The following FBN3 variants were observed in gnomAD, a reference collection of about 807,000 sequenced individuals.
FBN3 encodes the protein fibrillin 3, also known as fibrillin-3.
Under a neutral mutation model 330.1 loss-of-function variants are expected in FBN3, and 234 were observed. The observed-to-expected ratio is 0.71, with a 90% CI of 0.64 to 0.79. The LOEUF (loss-of-function observed/expected upper bound fraction) is 0.79. FBN3 is among the 30% of genes least tolerant of loss of function. The pLI, the probability that FBN3 is intolerant of heterozygous loss-of-function variation, is 0.00. For missense variants in FBN3, 3,606 were observed against 3,886.9 expected (o/e 0.93, Z 1.92); for synonymous variants, 1,458 against 1,517.3 (o/e 0.96, Z 0.91).
rs373066640 is a variant in FBN3, at chr19:8,109,647, G to A, written c.4440C>T (p.Ser1480=). The A allele has an allele frequency of 4.5e-4, 710 of 1,592,298 alleles. No individual in the cohort carries two copies. Among genetic ancestry groups the A allele is most frequent in the Non-Finnish European group, 4.7e-4 (554 of 1,169,218 alleles). ...SCPQDFELNP[S]GVGCVDTRAG... is the part of the protein sequence containing the mutation. ...TGGACTCACCCACGCAGCCCACTCC[G>A]CTGGGGTTCAGCTCAAAATCCTGGG... The change falls in exon 35 of 64, where the codon AGC becomes AGT. Residue 1480 remains serine, a synonymous_variant. Transcript: ENST00000600128. The surrounding 1 kb of genome is among the most constrained non-coding windows in gnomAD (Gnocchi z 5.2).
In FBN3 at chr19:8,142,128, G is replaced by A. The variant is rs769598971; in HGVS notation, c.551C>T (p.Thr184Met). 2.1e-5 allele frequency: 34 copies of A among 1,608,134 alleles called. No homozygotes were observed. The highest frequency in any genetic ancestry group is 1.1e-4 in the East Asian group (5 of 44,736). ...MGPQCERDYR[T>M]GPCFGQVGPE... ...GCCTACTTGGCCAAAGCAGGGTCCC[G>A]TCCGGTAATCTGCAGGGCAGACAGA... Residue 184 changes from threonine (T) to methionine (M), a missense_variant, in exon 7 of 64, where the codon ACG (threonine) becomes ATG (methionine). Coordinates refer to ENST00000600128, the MANE Select transcript of FBN3 (RefSeq NM_032447.5).
intron 14 of FBN3, 97 bp downstream of exon 14, chr19:8,132,887 G>A (rs541715268): frequency 3.3e-5 from 43 of 1,305,426 alleles, no homozygotes; most frequent in East Asian, 1.9e-4. Context: ...TCTCATGCTC[G>A]TCCCATCCCC....
chr19:8,126,851 A>C lies in FBN3; in HGVS notation c.2297-19T>G. ...TCGACATCTGTGGGGACAGCCCCCC[A>C]CCAGGTCCTGAGCTGCAGGAGGAGT... is the stretch of plus-strand genomic sequence containing the variant. On this transcript the variant is annotated intron_variant, in intron 18 of 63. Transcript: ENST00000600128. 1 of 1,531,788 alleles carries C rather than the reference A, an allele frequency of 6.5e-7. No homozygotes were observed. The highest frequency in any genetic ancestry group is 1.3e-5 in the South Asian group (1 of 77,232). The allele number at this position is 1,531,788 out of a possible 1,614,324, so 94.9% of individuals were successfully genotyped here. A position where few individuals can be genotyped will look rare whatever the true frequency, so the allele number is the denominator to read the frequency against.
At position 8,081,060 on chromosome 19, in the gene FBN3, CCA is replaced by C; in HGVS notation, c.7394_7395del (p.Val2465GlyfsTer22). 6.2e-7 allele frequency: 1 copy of C among 1,613,552 alleles called. No individual in the cohort carries two copies. Among genetic ancestry groups the C allele is most frequent in the Non-Finnish European group, 8.5e-7 (1 of 1,179,962 alleles). ...GGCGGACAGCGGCAGGTGAAGGCGC[CCA>C]CAGTGTTGACACAGAGGAACTGACA... Reference protein sequence around the residue: ...HNCQFLCVNTVGAFTCRCPPG... With the variant: ...HNCQFLCVNTXGAFTCRCPPG... On this transcript the variant is annotated frameshift_variant, in exon 59 of 64. Coordinates refer to ENST00000600128, the MANE Select transcript of FBN3 (RefSeq NM_032447.5). LOFTEE classifies it high-confidence loss of function.
In FBN3 at chr19:8,087,942, C is replaced by T. The variant is rs752756152; in HGVS notation, c.6502G>A (p.Asp2168Asn). 15 of 1,613,952 alleles carry T rather than the reference C, an allele frequency of 9.3e-6. No homozygotes were observed. The East Asian group carries it at 1.1e-4, about 12-fold the overall frequency. The stretch of plus-strand genomic sequence containing the variant: ...AGCAGCGGGTTCAGGGAGCATTCGT[C>T]GATGTCTGGGGAGGCCAGTGGAGGT... ...PGLMMTCEDI[D>N]ECSLNPLLCA... Residue 2168 changes from aspartate to asparagine, a missense_variant, in exon 53 of 64, where the codon GAC becomes AAC. Transcript: ENST00000600128.
Position 8,065,812 on chromosome 19 carries a change from G to T in FBN3, c.*107C>A. 1.0e-6 allele frequency: 1 copy of T among 953,648 alleles called. No homozygotes were observed. Among genetic ancestry groups the T allele is most frequent in the East Asian group, 2.6e-5 (1 of 38,168 alleles). The allele number at this position is 953,648 out of a possible 1,614,324, so 59.1% of individuals were successfully genotyped here. On this transcript the variant is annotated 3_prime_UTR_variant, in exon 64 of 64. Coordinates refer to ENST00000600128, the MANE Select transcript of FBN3 (RefSeq NM_032447.5). Reference sequence around the variant, plus strand: ...TGTCGTGTAGCATTTCACTCTTCCTGAGTTTCGGGGTTCAATCTGGTCAGC... The same window carrying T: ...TGTCGTGTAGCATTTCACTCTTCCTTAGTTTCGGGGTTCAATCTGGTCAGC...
At chr19:8,075,033 G>A in intron 61 of FBN3, 38 bp downstream of exon 61, 3 of 1,589,310 alleles carry the variant, frequency 1.9e-6, no homozygotes, top group Middle Eastern at 2.2e-4. Context: ...GCAGATTCTG[G>A]TGGAGGGCCC....
At chr19:8,117,853 ACACT>A (rs764088652) in intron 26 of FBN3, among the ~76,000 whole-genome samples, 9 of 152,148 alleles carry the variant, frequency 5.9e-5, no homozygotes, top group East Asian at 5.8e-4. Context: ...ACGTGTGAAC[ACACT>A]CACCCTTGAC....
In FBN3 at chr19:8,096,861, C is replaced by T; in HGVS notation, c.5413+20G>A. 1 of 1,610,712 alleles carries T rather than the reference C, an allele frequency of 6.2e-7. No individual in the cohort carries two copies. The highest frequency in any genetic ancestry group is 8.5e-7 in the Non-Finnish European group (1 of 1,179,424). ...TGACAGAGCCCAGCTCCCTCACCTC[C>T]TCCCAGGGACCCTGCTCACCCACAC... On this transcript the variant is annotated intron_variant, in intron 43 of 63. Transcript: ENST00000600128. The surrounding 1 kb of genome is among the most constrained non-coding windows in gnomAD (Gnocchi z 4.6).
At chr19:8,068,365 T>C (rs2081436374) in intron 63 of FBN3, among the ~76,000 whole-genome samples, 1 of 144,360 alleles carries the variant, frequency 6.9e-6, no homozygotes, top group African/African-American at 2.6e-5. Context: ...CACTCCAGCC[T>C]GGGCGACAGA....
intron 23 of FBN3, 37 bp downstream of exon 23, chr19:8,123,747 C>T (rs1240961557): frequency 1.9e-6 from 3 of 1,604,554 alleles, no homozygotes; most frequent in East Asian, 4.5e-5. Context: ...TGCCCCTCCC[C>T]ATCCTTCCAG....
Position 8,115,615 on chromosome 19 carries a change from AG to A in FBN3, c.3737del (p.Pro1246LeufsTer208). On this transcript the variant is annotated frameshift_variant, in exon 30 of 64. Coordinates refer to ENST00000600128, the MANE Select transcript of FBN3 (RefSeq NM_032447.5). LOFTEE classifies it high-confidence loss of function. ...CVDVDECDLN[P>X]HICLHGDCEN... ...CGCAGTCCCCATGGAGGCAGATGTG[AG>A]GGTTCAGGTCACACTCATCCACATC... 1.2e-6 allele frequency: 2 copies of A among 1,613,978 alleles called. No homozygotes were observed. The highest frequency in any genetic ancestry group is 1.7e-6 in the Non-Finnish European group (2 of 1,179,978).
chr19:8,147,674 G>A (rs2083584399), intron 1 of FBN3, 177 bp from the exon 2 acceptor site: 1 of 478,212 alleles, frequency 2.1e-6, no homozygotes, highest in Non-Finnish European at 3.6e-6. Flanking sequence ...AGGCTTCCTG[G>A]AGGAGGTGTG....
Position 8,117,309 on chromosome 19 carries a change from G to A in FBN3, c.3464-18C>T, listed in dbSNP as rs772509387. 3 of 1,457,044 alleles carry A rather than the reference G, an allele frequency of 2.1e-6. No homozygotes were observed. Among genetic ancestry groups the A allele is most frequent in the Non-Finnish European group, 2.8e-6 (3 of 1,058,018 alleles). The allele number at this position is 1,457,044 out of a possible 1,614,324, so 90.3% of individuals were successfully genotyped here. A position where few individuals can be genotyped will look rare whatever the true frequency, so the allele number is the denominator to read the frequency against. On this transcript the variant is annotated intron_variant, in intron 27 of 63. Coordinates refer to ENST00000600128, the MANE Select transcript of FBN3 (RefSeq NM_032447.5). ...GTTGATGTCTGCAGGATGCAGGGCA[G>A]ACAGGGGCTGGGGCTGGGGGGAGGG...
chr19:8,089,227 G>A (rs1235550064), intron 51 of FBN3, among the ~76,000 whole-genome samples: 1 of 152,160 alleles, frequency 6.6e-6, no homozygotes, highest in South Asian at 2.1e-4. Flanking sequence ...ATGAATAAGG[G>A]AGTAAATGAG....
At chr19:8,126,215 A>G in intron 21 of FBN3, 82 bp downstream of exon 21, 1 of 1,480,190 alleles carries the variant, frequency 6.8e-7, no homozygotes, top group Non-Finnish European at 9.3e-7. Context: ...GCGGGGCCGG[A>G]GGTGGCACCC....
chr19:8,117,289 T>C lies in FBN3; in HGVS notation c.3466A>G (p.Ile1156Val). Residue 1156 changes from isoleucine to valine, a missense_variant and splice_region_variant, in exon 28 of 64, where the codon ATC (isoleucine) becomes GTC (valine). Ile to Val is a conservative substitution (Grantham distance 29, BLOSUM62 3). Coordinates refer to ENST00000600128, the MANE Select transcript of FBN3 (RefSeq NM_032447.5). Reference protein sequence around the residue: ...STPDRQGCVDINECRVQNGGC... With the variant: ...STPDRQGCVDVNECRVQNGGC... The stretch of plus-strand genomic sequence containing the variant: ...CCATTCTGGACCCGGCATTCGTTGA[T>C]GTCTGCAGGATGCAGGGCAGACAGG... 1 of 1,603,458 alleles carries C rather than the reference T, an allele frequency of 6.2e-7. No homozygotes were observed. Among genetic ancestry groups the C allele is most frequent in the Non-Finnish European group, 8.5e-7 (1 of 1,174,792 alleles).
intron 24 of FBN3, among the ~76,000 whole-genome samples, chr19:8,123,200 C>T (rs1363545897): frequency 1.3e-5 from 2 of 151,874 alleles, no homozygotes; most frequent in Admixed American, 1.3e-4. Flanking sequence ...CTGAAAAATA[C>T]AAAATTAGCC....
At chr19:8,116,845 AC>A (rs1385665815) in intron 28 of FBN3, 46 bp from the exon 29 acceptor site, 1 of 1,586,300 alleles carries the variant, frequency 6.3e-7, no homozygotes, top group Non-Finnish European at 8.6e-7. Context: ...GCCCTGATAG[AC>A]CACCCAGTAC....
Sources: allele counts gnomAD v4.1 joint callset (sites outside exome capture counted in the v4.1 genomes callset), GRCh38; gene constraint gnomAD v4.1.1; non-coding constraint Gnocchi (gnomAD v3.1); transcripts MANE v1.5; gene names NCBI Gene and HGNC (gene_info 2026-07-23, HGNC 2026-07-21).